KIF9: variants seen among roughly 807,000 people sequenced by gnomAD.
The protein encoded by KIF9 is kinesin family member 9, also known as kinesin-like protein KIF9.
In KIF9, 68 loss-of-function variants were observed where a neutral mutation model predicts 94.8. The observed-to-expected ratio is 0.72, with a 90% CI of 0.59 to 0.88. KIF9 has a LOEUF of 0.88. Ranked by LOEUF, KIF9 falls within the 40% of genes least tolerant of loss-of-function variation. The probability of loss-of-function intolerance (pLI) is 0.00; values close to 1 mark genes in which losing one functional copy is unlikely to be tolerated. For synonymous variants in KIF9, 343 were observed against 362.1 expected, an observed-to-expected ratio of 0.95 and a Z score of 0.60; for missense variants, 882 against 982.5, an observed-to-expected ratio of 0.90 and a Z score of 1.37.
chr3:47,246,222 A>G lies in KIF9; in HGVS notation c.1264T>C (p.Phe422Leu). Reference protein sequence around the residue: ...IISLRQIKEVFNQFRVVLSQQ... With the variant: ...IISLRQIKEVLNQFRVVLSQQ... ...CTCAGAACCACCCGGAACTGGTTGA[A>G]CACCTCCTTGATCTGTCTAAGGCTG... The change falls in exon 13 of 21, where the codon TTC (phenylalanine) becomes CTC (leucine). Residue 422 changes from phenylalanine to leucine, a missense_variant. Physicochemically the swap from Phe to Leu is conservative, Grantham distance 22. Coordinates refer to ENST00000684063, the MANE Select transcript of KIF9 (RefSeq NM_182902.4). 1 of 1,613,724 alleles carries G rather than the reference A, an allele frequency of 6.2e-7. No homozygotes were observed. Among genetic ancestry groups the G allele is most frequent in the Non-Finnish European group, 8.5e-7 (1 of 1,179,798 alleles).
intron 7 of KIF9, chr3:47,266,173 T>C (rs984723802): frequency 6.6e-6 from 2 of 303,074 alleles, no homozygotes; most frequent in Middle Eastern, 1.0e-3. Flanking sequence ...AATATGAATA[T>C]GTACTGAAAT....
At position 47,275,449 on chromosome 3, in the gene KIF9, A is replaced by G. The variant is rs751570519; in HGVS notation, c.135T>C (p.Val45=). ...ACCAGTCTGTCTGTTGGTTATTGAC[A>G]ACTCCTCTCCGAATGTCTTTTTTTA... ...IHLKKDIRRG[V]VNNQQTDWSF... The change falls in exon 3 of 21, where the codon GTT becomes GTC. Residue 45 remains valine, a synonymous_variant. Transcript: ENST00000684063. The G allele has an allele frequency of 1.9e-6, 3 of 1,612,104 alleles. No homozygotes were observed. Among genetic ancestry groups the G allele is most frequent in the Non-Finnish European group, 2.5e-6 (3 of 1,179,310 alleles).
intron 20 of KIF9, among the ~76,000 whole-genome samples, chr3:47,232,101 G>A (rs1698632337): frequency 6.6e-6 from 1 of 152,152 alleles, no homozygotes; most frequent in African/African-American, 2.4e-5. Flanking sequence ...GATGGGATTA[G>A]TGCCCTATAA....
At chr3:47,242,237 C>CT (rs1699623224) in intron 16 of KIF9, among the ~76,000 whole-genome samples, 1 of 152,102 alleles carries the variant, frequency 6.6e-6, no homozygotes, top group East Asian at 1.9e-4. Flanking sequence ...TTACATCTTA[C>CT]TTTTTTCAAA....
chr3:47,261,158 A>ATG (rs371585474), intron 9 of KIF9, among the ~76,000 whole-genome samples: 4 of 152,200 alleles, frequency 2.6e-5, no homozygotes, highest in East Asian at 1.9e-4. Context: ...GAGGTCTAAA[A>ATG]TGTGTGTGTG....
At chr3:47,238,852 A>C (rs565504643) in intron 17 of KIF9, among the ~76,000 whole-genome samples, 2 of 152,146 alleles carry the variant, frequency 1.3e-5, no homozygotes, top group South Asian at 4.1e-4. Context: ...TTTAGTAGAG[A>C]CAGGGTTTCA....
chr3:47,243,218 G>A lies in KIF9; in HGVS notation c.1542C>T (p.Ser514=). ...CCAAGTCCTTCCCATTCACAGGGCT[G>A]CTGGCACCTTCCTTTCTTGCCAAGG... is the stretch of plus-strand genomic sequence containing the variant. ...LSSLARKEGA[S]SPVNGKDLDY... Residue 514 remains serine, a synonymous_variant, in exon 16 of 21, where the codon AGC becomes AGT. Coordinates refer to ENST00000684063, the MANE Select transcript of KIF9 (RefSeq NM_182902.4). The A allele has an allele frequency of 1.2e-6, 2 of 1,611,438 alleles. No homozygotes were observed. Among genetic ancestry groups the A allele is most frequent in the Non-Finnish European group, 1.7e-6 (2 of 1,178,080 alleles).
At position 47,231,239 on chromosome 3, in the gene KIF9, C is replaced by G. The variant is rs142603605; in HGVS notation, c.2323-2537G>C. On this transcript the variant is annotated intron_variant, in intron 20 of 20. Coordinates refer to ENST00000684063, the MANE Select transcript of KIF9 (RefSeq NM_182902.4). ...CTTCATGATTGAGAAAAAAAATACA[C>G]ACTCAATGAATAGGAACAGAAAAGA... Among the ~76,000 whole-genome samples the G allele has an allele frequency of 2.5e-3, 386 of 152,018 alleles. 4 individuals are homozygous for G. The highest frequency in any genetic ancestry group is 8.9e-3 in the African/African-American group (367 of 41,456).
At position 47,275,500 on chromosome 3, in the gene KIF9, AAGAG is replaced by A. The variant is rs1701908422; in HGVS notation, c.94-14_94-11del. ...AGTGAATATCAATGCTCTAGGAAAAAAGAGTGAGAAAGAAAAAAATGTTATTTGT... is the reference window on the plus strand; with the variant it reads ...AGTGAATATCAATGCTCTAGGAAAAATGAGAAAGAAAAAAATGTTATTTGT... On this transcript the variant is annotated splice_polypyrimidine_tract_variant and intron_variant, in intron 2 of 20. Coordinates refer to ENST00000684063, the MANE Select transcript of KIF9 (RefSeq NM_182902.4). 1 of 1,587,542 alleles carries A rather than the reference AAGAG, an allele frequency of 6.3e-7. No homozygotes were observed. Among genetic ancestry groups the A allele is most frequent in the African/African-American group, 1.4e-5 (1 of 73,394 alleles).
intron 1 of KIF9, among the ~76,000 whole-genome samples, chr3:47,279,142 CAG>C (rs1038560473): frequency 8.5e-6 from 1 of 117,762 alleles, no homozygotes; most frequent in African/African-American, 3.3e-5. Context: ...GCCTAGGTGA[CAG>C]AGTGAGACCA....
At position 47,250,033 on chromosome 3, in the gene KIF9, A is replaced by AGCG. The variant is rs571821047; in HGVS notation, c.1060-1950_1060-1948dup. ...CATTGCACTCCAGCCTGAGCAATAGAGCGAGTCACTGTCTCAAAAAAAAAA... is the reference window on the plus strand; with the variant it reads ...CATTGCACTCCAGCCTGAGCAATAGAGCGGCGAGTCACTGTCTCAAAAAAAAAA... On this transcript the variant is annotated intron_variant, in intron 10 of 20. Transcript: ENST00000684063. 5.6e-4 allele frequency among the ~76,000 whole-genome samples: 85 copies of AGCG among 152,078 alleles called. 1 individual carries two copies. The South Asian group carries it at 6.2e-3, about 11-fold the overall frequency.
At chr3:47,228,759 G>C in intron 20 of KIF9, 57 bp from the exon 21 acceptor site, 1 of 1,410,480 alleles carries the variant, frequency 7.1e-7, no homozygotes, top group Non-Finnish European at 1.0e-6. Context: ...ACATAGCAGG[G>C]ACTCAGACCA....
chr3:47,236,103 C>T lies in KIF9; in HGVS notation c.2148G>A (p.Met716Ile), dbSNP rs1575929434. 6.2e-7 allele frequency: 1 copy of T among 1,614,196 alleles called. No individual in the cohort carries two copies. Among genetic ancestry groups the T allele is most frequent in the Admixed American group, 1.7e-5 (1 of 60,022 alleles). ...TGCCGCCTGGCTTCAGTGCCATCTG[C>T]ATGTCCTCAGGGATGACAAAGGACT... ...YNESFVIPED[M>I]QMALKPGGSI... is the part of the protein sequence containing the mutation. Residue 716 changes from methionine to isoleucine, a missense_variant, in exon 19 of 21, where the codon ATG becomes ATA. Met to Ile is a conservative substitution (Grantham distance 10, BLOSUM62 1). Transcript: ENST00000684063.
chr3:47,243,524 G>C (rs1699724032), intron 15 of KIF9: 1 of 284,616 alleles, frequency 3.5e-6, no homozygotes, highest in South Asian at 9.3e-5. Flanking sequence ...TCCAGGGATT[G>C]AAAGTGTATG....
At chr3:47,245,006 G>A in intron 14 of KIF9, 82 bp from the exon 15 acceptor site, 1 of 1,551,982 alleles carries the variant, frequency 6.4e-7, no homozygotes, top group South Asian at 1.2e-5. Context: ...TATGGCCCAA[G>A]GCTCAGGGTG....
In KIF9 at chr3:47,282,541, A is replaced by G; in HGVS notation, c.-52T>C. ...CCCGGGACGCGACTGCCGCAACCGA[A>G]ACCACCTGCACTCCCCACGCGGGGC... On this transcript the variant is annotated 5_prime_UTR_variant, in exon 1 of 21. Transcript: ENST00000684063. 1 of 999,054 alleles carries G rather than the reference A, an allele frequency of 1.0e-6. No individual in the cohort carries two copies. The highest frequency in any genetic ancestry group is 4.2e-5 in the South Asian group (1 of 23,954). 61.9% of individuals were successfully genotyped at this position (999,054 alleles called of 1,614,324 possible).
chr3:47,282,363 G>A lies in KIF9; in HGVS notation c.-6+132C>T, dbSNP rs894119154. 4 of 985,870 alleles carry A rather than the reference G, an allele frequency of 4.1e-6. No individual in the cohort carries two copies. In the African/African-American group the frequency reaches 7.0e-5, roughly 17 times the overall value. The allele number at this position is 985,870 out of a possible 1,614,324, so 61.1% of individuals were successfully genotyped here. ...GCGACGTCGAGCCCTCCTTCGCCTG[G>A]GTTTCAGAGATGAGCGACCCAGCTG... On this transcript the variant is annotated intron_variant, in intron 1 of 20. Coordinates refer to ENST00000684063, the MANE Select transcript of KIF9 (RefSeq NM_182902.4).
rs567519246 is a variant in KIF9, at chr3:47,260,491, C to T, written c.982-2931G>A. On this transcript the variant is annotated intron_variant, in intron 9 of 20. Coordinates refer to ENST00000684063, the MANE Select transcript of KIF9 (RefSeq NM_182902.4). ...ACACCCACAGGTGTGTAGGGGCAAC[C>T]CACCCCTACAGGTAAGCTCATGCCA... Among the ~76,000 whole-genome samples, 5 of 152,306 alleles carry T rather than the reference C, an allele frequency of 3.3e-5. No homozygotes were observed. The South Asian group carries it at 8.3e-4, about 25-fold the overall frequency.
chr3:47,265,863 G>A lies in KIF9; in HGVS notation c.783C>T (p.Val261=). 1 of 1,614,150 alleles carries A rather than the reference G, an allele frequency of 6.2e-7. No individual in the cohort carries two copies. The highest frequency in any genetic ancestry group is 8.5e-7 in the Non-Finnish European group (1 of 1,180,024). The change falls in exon 8 of 21, where the codon GTC becomes GTT. Residue 261 remains valine, a synonymous_variant. Coordinates refer to ENST00000684063, the MANE Select transcript of KIF9 (RefSeq NM_182902.4). ...RLGKSGSEGQ[V]LKEATYINKS... Reference sequence around the variant, plus strand: ...TGTTGATGTAGGTGGCTTCCTTCAGGACTTGGCCCTCAGACTACAAAGCAA... The same window carrying A: ...TGTTGATGTAGGTGGCTTCCTTCAGAACTTGGCCCTCAGACTACAAAGCAA...
Sources: gnomAD v4.1 joint callset for allele counts (sites outside exome capture counted in the v4.1 genomes callset) on GRCh38, gnomAD v4.1.1 for gene constraint, MANE v1.5 for transcripts, NCBI Gene and HGNC (gene_info 2026-07-23, HGNC 2026-07-21) for gene names.